Variants in TRPM3 observed in about 807,000 individuals in gnomAD.
TRPM3 encodes the protein transient receptor potential cation channel subfamily M member 3.
A neutral mutation model predicts 181.2 loss-of-function variants in TRPM3; 77 were observed. The ratio of observed to expected loss-of-function variants is 0.42; its 90% CI spans 0.35 to 0.51. TRPM3 has a LOEUF of 0.51. Ranked by LOEUF, TRPM3 falls within the 20% of genes least tolerant of loss-of-function variation. The probability of loss-of-function intolerance (pLI) is 0.01; values close to 1 mark genes in which losing one functional copy is unlikely to be tolerated. For missense variants in TRPM3, 1,759 were observed against 2,196.7 expected (o/e 0.80, Z 3.98); for synonymous variants, 745 against 796.4 (o/e 0.94, Z 1.09).
intron 1 of TRPM3, among the ~76,000 whole-genome samples, chr9:71,047,858 A>T (rs892459836): frequency 1.5e-5 from 2 of 135,396 alleles, no homozygotes; most frequent in East Asian, 2.1e-4. Flanking sequence ...ACACACACAC[A>T]CTCACACAAC....
At chr9:71,257,677 G>C (rs575912198) in intron 1 of TRPM3, among the ~76,000 whole-genome samples, 1 of 152,288 alleles carries the variant, frequency 6.6e-6, no homozygotes, top group Admixed American at 6.5e-5. Context: ...TAGCCCTCCT[G>C]AGGAAAATAC....
In TRPM3 at chr9:70,625,563, G is replaced by A. The variant is rs768099039; in HGVS notation, c.1633-46C>T. 3 of 1,567,070 alleles carry A rather than the reference G, an allele frequency of 1.9e-6. No individual in the cohort carries two copies. Among genetic ancestry groups the A allele is most frequent in the Admixed American group, 1.8e-5 (1 of 54,264 alleles). ...TAAATAAGAAGATGCAGTAATCGTCGGCAATAATAGAAAATCAAAATATTT... is the reference window on the plus strand; with the variant it reads ...TAAATAAGAAGATGCAGTAATCGTCAGCAATAATAGAAAATCAAAATATTT... On this transcript the variant is annotated intron_variant, in intron 12 of 25. Transcript: ENST00000677713. The surrounding 1 kb of genome is among the most constrained non-coding windows in gnomAD (Gnocchi z 4.8).
At chr9:70,902,676 AG>A in intron 1 of TRPM3, among the ~76,000 whole-genome samples, 1 of 152,232 alleles carries the variant, frequency 6.6e-6, no homozygotes, top group African/African-American at 2.4e-5. Context: ...TTAGTTCTTA[AG>A]GACATATCCA....
At chr9:71,405,815 T>C (rs1472564072) in intron 1 of TRPM3, among the ~76,000 whole-genome samples, 1 of 152,222 alleles carries the variant, frequency 6.6e-6, no homozygotes, top group Non-Finnish European at 1.5e-5. Flanking sequence ...CTAATACATA[T>C]TCCAGATGAA....
chr9:71,321,938 T>C (rs570352393), intron 1 of TRPM3, among the ~76,000 whole-genome samples: 17 of 151,840 alleles, frequency 1.1e-4, no homozygotes, highest in Non-Finnish European at 2.5e-4. Context: ...AACCAGAAGA[T>C]GTCACAGAAG....
Position 70,827,534 on chromosome 9 carries a change from T to C in TRPM3, c.973+313A>G, listed in dbSNP as rs529834420. 2.0e-5 allele frequency: 4 copies of C among 196,430 alleles called. No homozygotes were observed. The South Asian group carries it at 6.2e-4, about 30-fold the overall frequency. The allele number at this position is 196,430 out of a possible 1,614,324, so 12.2% of individuals were successfully genotyped here. ...GCTTAATAAATAGAAACTTTTCTCC[T>C]TGGAGTACCATGCAGATGATGAAGG... On this transcript the variant is annotated intron_variant, in intron 6 of 25. Transcript: ENST00000677713.
chr9:71,178,241 A>G (rs1437607409), intron 1 of TRPM3, among the ~76,000 whole-genome samples: 1 of 152,182 alleles, frequency 6.6e-6, no homozygotes, highest in African/African-American at 2.4e-5. Flanking sequence ...AACTTAAAAT[A>G]CAAGAGAAAT....
intron 1 of TRPM3, among the ~76,000 whole-genome samples, chr9:70,977,944 G>T (rs1284867629): frequency 1.3e-5 from 2 of 152,172 alleles, no homozygotes; most frequent in East Asian, 1.9e-4. Flanking sequence ...CTTTATGAAA[G>T]CATGATTGGT....
intron 1 of TRPM3, among the ~76,000 whole-genome samples, chr9:71,249,364 T>G (rs1423294375): frequency 6.6e-6 from 1 of 152,234 alleles, no homozygotes; most frequent in South Asian, 2.1e-4. Flanking sequence ...ATTCTTATCA[T>G]AAATATTTTT....
chr9:70,596,843 A>G (rs1182435146), intron 21 of TRPM3, among the ~76,000 whole-genome samples: 1 of 152,158 alleles, frequency 6.6e-6, no homozygotes, highest in African/African-American at 2.4e-5. Flanking sequence ...ACCTCACCGC[A>G]GTCTTGAACT....
chr9:71,264,948 G>T (rs528602952), intron 1 of TRPM3, among the ~76,000 whole-genome samples: 27 of 152,140 alleles, frequency 1.8e-4, no homozygotes, highest in Non-Finnish European at 3.5e-4. Context: ...TATTAGTGGT[G>T]CGTGGGTGTG....
intron 1 of TRPM3, among the ~76,000 whole-genome samples, chr9:70,989,350 T>C (rs886399711): frequency 5.3e-5 from 8 of 152,174 alleles, no homozygotes; most frequent in African/African-American, 1.7e-4. Context: ...ACTACATAAA[T>C]GTATGCCTCT....
At position 71,281,600 on chromosome 9, in the gene TRPM3, T is replaced by C. The variant is rs573325480; in HGVS notation, c.183+165053A>G. ...TCCTTTTCATTGCTGTCTACAGCAT[T>C]TTAAGTACACTCTTCCTAAACTGAG... On this transcript the variant is annotated intron_variant, in intron 1 of 24. Transcript: ENST00000357533. Among the ~76,000 whole-genome samples, 27 of 152,294 alleles carry C rather than the reference T, an allele frequency of 1.8e-4. 1 individual carries two copies. The highest frequency in any genetic ancestry group is 3.4e-3 in the Middle Eastern group (1 of 294).
At chr9:71,273,708 T>C (rs763422063) in intron 1 of TRPM3, among the ~76,000 whole-genome samples, 1 of 152,188 alleles carries the variant, frequency 6.6e-6, no homozygotes, top group Non-Finnish European at 1.5e-5. Context: ...TTTGGGGAGA[T>C]AATGAATCTC....
intron 1 of TRPM3, among the ~76,000 whole-genome samples, chr9:71,309,187 C>T (rs1195394235): frequency 2.0e-5 from 3 of 152,158 alleles, no homozygotes; most frequent in East Asian, 1.9e-4. Flanking sequence ...AGACTCACAA[C>T]AACCAATCTT....
intron 1 of TRPM3, among the ~76,000 whole-genome samples, chr9:70,954,580 C>A (rs753792593): frequency 3.9e-5 from 6 of 151,936 alleles, no homozygotes; most frequent in Non-Finnish European, 8.8e-5. Flanking sequence ...TAGTGCAACC[C>A]CTAATCAGTG....
At chr9:71,248,198 C>T (rs2082144310) in intron 1 of TRPM3, among the ~76,000 whole-genome samples, 1 of 152,178 alleles carries the variant, frequency 6.6e-6, no homozygotes, top group Non-Finnish European at 1.5e-5. Context: ...TTGGAAAATT[C>T]TCCCACTATG....
chr9:71,408,318 G>A (rs952078698), intron 1 of TRPM3, among the ~76,000 whole-genome samples: 1 of 152,142 alleles, frequency 6.6e-6, no homozygotes, highest in Non-Finnish European at 1.5e-5. Context: ...GCTAAGGGAG[G>A]ATGTTTGAAC....
intron 1 of TRPM3, among the ~76,000 whole-genome samples, chr9:71,053,510 C>T (rs980453639): frequency 2.0e-5 from 3 of 152,080 alleles, no homozygotes; most frequent in East Asian, 1.9e-4. Context: ...AGTGTCAACC[C>T]GCTCAATGTG....
Sources: allele counts gnomAD v4.1 joint callset (sites outside exome capture counted in the v4.1 genomes callset), GRCh38; gene constraint gnomAD v4.1.1; non-coding constraint Gnocchi (gnomAD v3.1); transcripts MANE v1.5; gene names NCBI Gene and HGNC (gene_info 2026-07-23, HGNC 2026-07-21).